The following ICAM4 variants were observed in gnomAD, a reference collection of about 807,000 sequenced individuals.
ICAM4 encodes the protein intercellular adhesion molecule 4.
Under a neutral mutation model 18.8 loss-of-function variants are expected in ICAM4, and 16 were observed. The ratio of observed to expected loss-of-function variants is 0.85; its 90% CI spans 0.58 to 1.29. The LOEUF (loss-of-function observed/expected upper bound fraction) is 1.29, where lower values mean the gene tolerates loss of function less well. Ranked by LOEUF, ICAM4 falls within the 50% of genes most tolerant of loss-of-function variation. ICAM4 has a pLI of 0.00. For missense variants in ICAM4, 338 were observed against 364.3 expected (o/e 0.93, Z 0.59); for synonymous variants, 163 against 163.2 (o/e 1.00, Z 0.01).
rs749689357 is a variant in ICAM4 at position 10,287,395 on chromosome 19, T to C, written c.383T>C (p.Ile128Thr). The part of the protein sequence containing the change: ...AGKTRWATSR[I>T]TAYKPPHSVI... ...AAAACACGCTGGGCCACCTCCAGGA[T>C]CACCGCCTACAGTGAGGGACAGGGG... The change falls in exon 1 of 3, where the codon ATC becomes ACC. Residue 128 changes from isoleucine (I) to threonine (T), a missense_variant. Transcript: ENST00000380770. This position sits in a 1 kb window ranked among gnomAD's most constrained non-coding sequence, Gnocchi z 8.7. The C allele has an allele frequency of 1.2e-6, 2 of 1,604,416 alleles. No individual in the cohort carries two copies. The highest frequency in any genetic ancestry group is 4.5e-5 in the East Asian group (2 of 44,512).
Position 10,287,627 on chromosome 19 carries a change from C to T in ICAM4, c.486C>T (p.Gly162=). 1 of 1,614,124 alleles carries T rather than the reference C, an allele frequency of 6.2e-7. No individual in the cohort carries two copies. Among genetic ancestry groups the T allele is most frequent in the African/African-American group, 1.3e-5 (1 of 75,034 alleles). Residue 162 remains glycine (G), a synonymous_variant, in exon 2 of 3, where the codon GGC becomes GGT. Transcript: ENST00000380770. The surrounding 1 kb of genome is among the most constrained non-coding windows in gnomAD (Gnocchi z 8.7). ...RCHVTQVFPV[G]YLVVTLRHGS... ...ACGTGACGCAGGTGTTCCCGGTGGG[C>T]TACTTGGTGGTGACCCTGAGGCATG...
rs906720106 is a variant in ICAM4 at position 10,287,400 on chromosome 19, G to T, written c.388G>T (p.Ala130Ser). 4 of 1,602,474 alleles carry T rather than the reference G, an allele frequency of 2.5e-6. No homozygotes were observed. Among genetic ancestry groups the T allele is most frequent in the African/African-American group, 2.7e-5 (2 of 74,666 alleles). ...ACGCTGGGCCACCTCCAGGATCACCGCCTACAGTGAGGGACAGGGGCTCGG... is the reference window on the plus strand; with the variant it reads ...ACGCTGGGCCACCTCCAGGATCACCTCCTACAGTGAGGGACAGGGGCTCGG... ...KTRWATSRIT[A>S]YKPPHSVILE... The change falls in exon 1 of 3, where the codon GCC becomes TCC. Residue 130 changes from alanine (A) to serine (S), a missense_variant. Transcript: ENST00000380770. This position sits in a 1 kb window ranked among gnomAD's most constrained non-coding sequence, Gnocchi z 8.7.
Position 10,287,812 on chromosome 19 carries a change from G to C in ICAM4, c.671G>C (p.Ser224Thr), listed in dbSNP as rs776408886. The C allele has an allele frequency of 1.4e-5, 22 of 1,612,344 alleles. No homozygotes were observed. Among genetic ancestry groups the C allele is most frequent in the Non-Finnish European group, 1.8e-5 (21 of 1,180,024 alleles). ...LNLDGLVVRNSSAPITLMLAW... is the reference protein window; with the variant it reads ...LNLDGLVVRNTSAPITLMLAW... ...CTCGACGGCCTGGTGGTCCGCAACA[G>C]CTCGGCACCCATTACACTGATGCTC... is the stretch of plus-strand genomic sequence containing the variant. Residue 224 changes from serine (S) to threonine (T), a missense_variant, in exon 2 of 3, where the codon AGC becomes ACC. Physicochemically the swap from Ser to Thr is moderately conservative, Grantham distance 58. Transcript: ENST00000380770. This position sits in a 1 kb window ranked among gnomAD's most constrained non-coding sequence, Gnocchi z 8.7.
At position 10,287,450 on chromosome 19, in the gene ICAM4, G is replaced by T. The variant is rs757624505; in HGVS notation, c.394+44G>T. 5.0e-6 allele frequency: 8 copies of T among 1,587,758 alleles called. No individual in the cohort carries two copies. The highest frequency in any genetic ancestry group is 6.0e-6 in the Non-Finnish European group (7 of 1,165,714). On this transcript the variant is annotated intron_variant, in intron 1 of 2. Coordinates refer to ENST00000380770, the MANE Select transcript of ICAM4 (RefSeq NM_001544.5). This position sits in a 1 kb window ranked among gnomAD's most constrained non-coding sequence, Gnocchi z 8.7. Reference sequence around the variant, plus strand: ...GTCCCGGCTGGGGTGAGGGGAGGGGGCTGGAAGAGGTGGGGGAAGGGTAGT... The same window carrying T: ...GTCCCGGCTGGGGTGAGGGGAGGGGTCTGGAAGAGGTGGGGGAAGGGTAGT...
rs934200316 is a variant in ICAM4 at position 10,287,490 on chromosome 19, T to C, written c.395-46T>C. On this transcript the variant is annotated intron_variant, in intron 1 of 2. Coordinates refer to ENST00000380770, the MANE Select transcript of ICAM4 (RefSeq NM_001544.5). This position sits in a 1 kb window ranked among gnomAD's most constrained non-coding sequence, Gnocchi z 8.7. The stretch of plus-strand genomic sequence containing the variant: ...GGAAGGGTAGTTGACAGTCGCTCTA[T>C]AGGGAGCGCCCGCGGACCTCACTCA... 2 of 1,600,306 alleles carry C rather than the reference T, an allele frequency of 1.2e-6. No homozygotes were observed. The highest frequency in any genetic ancestry group is 1.7e-5 in the Admixed American group (1 of 59,016).
Position 10,288,139 on chromosome 19 carries a change from G to C in ICAM4, c.*35G>C. 1.9e-6 allele frequency: 3 copies of C among 1,614,136 alleles called. No individual in the cohort carries two copies. Among genetic ancestry groups the C allele is most frequent in the Non-Finnish European group, 2.5e-6 (3 of 1,180,020 alleles). On this transcript the variant is annotated 3_prime_UTR_variant, in exon 3 of 3. Coordinates refer to ENST00000380770, the MANE Select transcript of ICAM4 (RefSeq NM_001544.5). The stretch of plus-strand genomic sequence containing the variant: ...TTCTATGCCGGCTGAGCGAGAAAAA[G>C]AGGAATATGAAACAATCTGGGGAAA...
At position 10,287,258 on chromosome 19, in the gene ICAM4, C is replaced by T. The variant is rs2040120658; in HGVS notation, c.246C>T (p.Arg82=). Residue 82 remains arginine, a synonymous_variant, in exon 1 of 3, where the codon CGC becomes CGT. Transcript: ENST00000380770. The surrounding 1 kb of genome is among the most constrained non-coding windows in gnomAD (Gnocchi z 8.7). ...SCPQPQNSSL[R]TPLRQGKTLR... is the part of the protein sequence containing the mutation. ...CCCAGCCGCAGAATTCCAGCCTCCG[C>T]ACCCCGCTGCGGCAAGGCAAGACGC... is the stretch of plus-strand genomic sequence containing the variant. The T allele has an allele frequency of 1.2e-6, 2 of 1,613,520 alleles. No homozygotes were observed. Among genetic ancestry groups the T allele is most frequent in the Non-Finnish European group, 1.7e-6 (2 of 1,180,018 alleles).
chr19:10,287,253 C>A lies in ICAM4; in HGVS notation c.241C>A (p.Leu81Ile). The change falls in exon 1 of 3, where the codon CTC becomes ATC. Residue 81 changes from leucine to isoleucine, a missense_variant. Coordinates refer to ENST00000380770, the MANE Select transcript of ICAM4 (RefSeq NM_001544.5). The surrounding 1 kb of genome is among the most constrained non-coding windows in gnomAD (Gnocchi z 8.7). ...CTGTCCCCAGCCGCAGAATTCCAGCCTCCGCACCCCGCTGCGGCAAGGCAA... is the reference window on the plus strand; with the variant it reads ...CTGTCCCCAGCCGCAGAATTCCAGCATCCGCACCCCGCTGCGGCAAGGCAA... ...NSCPQPQNSS[L>I]RTPLRQGKTL... is the part of the protein sequence containing the mutation. 6.2e-7 allele frequency: 1 copy of A among 1,613,620 alleles called. No homozygotes were observed. Among genetic ancestry groups the A allele is most frequent in the South Asian group, 1.1e-5 (1 of 91,080 alleles).
In ICAM4 at chr19:10,288,121, C is replaced by T. The variant is rs375791254; in HGVS notation, c.*17C>T. 3.2e-5 allele frequency: 52 copies of T among 1,614,106 alleles called. No individual in the cohort carries two copies. Among genetic ancestry groups the T allele is most frequent in the Non-Finnish European group, 4.1e-5 (48 of 1,180,032 alleles). Reference sequence around the variant, plus strand: ...CAGGCGTAAAGGGGGATGTTCTATGCCGGCTGAGCGAGAAAAAGAGGAATA... The same window carrying T: ...CAGGCGTAAAGGGGGATGTTCTATGTCGGCTGAGCGAGAAAAAGAGGAATA... On this transcript the variant is annotated 3_prime_UTR_variant, in exon 3 of 3. Coordinates refer to ENST00000380770, the MANE Select transcript of ICAM4 (RefSeq NM_001544.5).
chr19:10,288,073 G>A lies in ICAM4; in HGVS notation c.785G>A (p.Cys262Tyr), dbSNP rs753845734. 6.2e-7 allele frequency: 1 copy of A among 1,614,132 alleles called. No individual in the cohort carries two copies. The highest frequency in any genetic ancestry group is 8.5e-7 in the Non-Finnish European group (1 of 1,180,030). Reference protein sequence around the residue: ...ILLTVGAAYLCKCLAMKSQA With the variant: ...ILLTVGAAYLYKCLAMKSQA Reference sequence around the variant, plus strand: ...CTCACTGTGGGCGCTGCGTACCTATGCAAGTGCCTAGCTATGAAGTCCCAG... The same window carrying A: ...CTCACTGTGGGCGCTGCGTACCTATACAAGTGCCTAGCTATGAAGTCCCAG... Residue 262 changes from cysteine to tyrosine, a missense_variant, in exon 3 of 3, where the codon TGC becomes TAC. Cys to Tyr is a radical substitution (Grantham distance 194). Coordinates refer to ENST00000380770, the MANE Select transcript of ICAM4 (RefSeq NM_001544.5).
Position 10,287,195 on chromosome 19 carries a change from G to A in ICAM4, c.183G>A (p.Pro61=), listed in dbSNP as rs755983745. 2.5e-6 allele frequency: 4 copies of A among 1,612,224 alleles called. No homozygotes were observed. Among genetic ancestry groups the A allele is most frequent in the East Asian group, 2.2e-5 (1 of 44,828 alleles). The part of the protein sequence containing the change: ...RMSPEFVAVQ[P]GKSVQLNCSN... ...GCCCGGAGTTCGTGGCTGTGCAGCC[G>A]GGGAAGTCAGTGCAGCTCAATTGCA... Residue 61 remains proline, a synonymous_variant, in exon 1 of 3, where the codon CCG becomes CCA. Transcript: ENST00000380770. This position sits in a 1 kb window ranked among gnomAD's most constrained non-coding sequence, Gnocchi z 8.7.
At position 10,287,058 on chromosome 19, in the gene ICAM4, G is replaced by T; in HGVS notation, c.46G>T (p.Ala16Ser). 6.4e-7 allele frequency: 1 copy of T among 1,569,206 alleles called. No homozygotes were observed. Among genetic ancestry groups the T allele is most frequent in the Non-Finnish European group, 8.6e-7 (1 of 1,156,766 alleles). ...GTCGCTGCTGTTTTTTTTGGCGGCC[G>T]CCTACCCGGGAGTTGGGAGCGCGCT... The part of the protein sequence containing the change: ...PLSLLFFLAA[A>S]YPGVGSALGR... Residue 16 changes from alanine (A) to serine (S), a missense_variant, in exon 1 of 3, where the codon GCC becomes TCC. Physicochemically the swap from Ala to Ser is moderately conservative, Grantham distance 99 (BLOSUM62 1). Coordinates refer to ENST00000380770, the MANE Select transcript of ICAM4 (RefSeq NM_001544.5). This position sits in a 1 kb window ranked among gnomAD's most constrained non-coding sequence, Gnocchi z 8.7.
rs1200661077 is a variant in ICAM4, at chr19:10,287,178, T to C, written c.166T>C (p.Phe56Leu). ...CTTCTGGGTGCGCATGAGCCCGGAG[T>C]TCGTGGCTGTGCAGCCGGGGAAGTC... ...VPFWVRMSPE[F>L]VAVQPGKSVQ... is the part of the protein sequence containing the mutation. The change falls in exon 1 of 3, where the codon TTC becomes CTC. Residue 56 changes from phenylalanine to leucine, a missense_variant. Phe to Leu is a conservative substitution (Grantham distance 22). Coordinates refer to ENST00000380770, the MANE Select transcript of ICAM4 (RefSeq NM_001544.5). This position sits in a 1 kb window ranked among gnomAD's most constrained non-coding sequence, Gnocchi z 8.7. 1.2e-6 allele frequency: 2 copies of C among 1,611,876 alleles called. No homozygotes were observed. The highest frequency in any genetic ancestry group is 1.7e-6 in the Non-Finnish European group (2 of 1,178,978).
In ICAM4 at chr19:10,287,026, TC is replaced by T; in HGVS notation, c.17del (p.Pro6LeufsTer47). The T allele has an allele frequency of 6.5e-7, 1 of 1,545,670 alleles. No individual in the cohort carries two copies. Among genetic ancestry groups the T allele is most frequent in the South Asian group, 1.2e-5 (1 of 82,372 alleles). ...GGGCTTTTTGCCATGGGGTCTCTGT[TC>T]CCTCTGTCGCTGCTGTTTTTTTTGG... is the stretch of plus-strand genomic sequence containing the variant. MGSL[F>X]PLSLLFFLAA... On this transcript the variant is annotated frameshift_variant, in exon 1 of 3. Transcript: ENST00000380770. LOFTEE classifies it high-confidence loss of function. This position sits in a 1 kb window ranked among gnomAD's most constrained non-coding sequence, Gnocchi z 8.7.
chr19:10,287,122 G>A lies in ICAM4; in HGVS notation c.110G>A (p.Ser37Asn), dbSNP rs777854083. The A allele has an allele frequency of 8.1e-6, 13 of 1,607,796 alleles. No homozygotes were observed. In the South Asian group the frequency reaches 1.4e-4, roughly 18 times the overall value. Residue 37 changes from serine (S) to asparagine (N), a missense_variant, in exon 1 of 3, where the codon AGC becomes AAC. Coordinates refer to ENST00000380770, the MANE Select transcript of ICAM4 (RefSeq NM_001544.5). This position sits in a 1 kb window ranked among gnomAD's most constrained non-coding sequence, Gnocchi z 8.7. ...AAGCGGGCGCAAAGCCCCAAGGGTA[G>A]CCCTCTCGCGCCCTCCGGGACCTCA... Reference protein sequence around the residue: ...RTKRAQSPKGSPLAPSGTSVP... With the variant: ...RTKRAQSPKGNPLAPSGTSVP...
chr19:10,287,629 A>T lies in ICAM4; in HGVS notation c.488A>T (p.Tyr163Phe), dbSNP rs759533488. 1.2e-6 allele frequency: 2 copies of T among 1,613,994 alleles called. No homozygotes were observed. The highest frequency in any genetic ancestry group is 1.7e-6 in the Non-Finnish European group (2 of 1,179,970). ...CHVTQVFPVG[Y>F]LVVTLRHGSR... ...GTGACGCAGGTGTTCCCGGTGGGCTACTTGGTGGTGACCCTGAGGCATGGA... is the reference window on the plus strand; with the variant it reads ...GTGACGCAGGTGTTCCCGGTGGGCTTCTTGGTGGTGACCCTGAGGCATGGA... The change falls in exon 2 of 3, where the codon TAC becomes TTC. Residue 163 changes from tyrosine to phenylalanine, a missense_variant. Coordinates refer to ENST00000380770, the MANE Select transcript of ICAM4 (RefSeq NM_001544.5). This position sits in a 1 kb window ranked among gnomAD's most constrained non-coding sequence, Gnocchi z 8.7.
Position 10,287,042 on chromosome 19 carries a change from G to GT in ICAM4, c.38dup (p.Leu13PhefsTer17), listed in dbSNP as rs753968171. On this transcript the variant is annotated frameshift_variant, in exon 1 of 3. Transcript: ENST00000380770. LOFTEE classifies it high-confidence loss of function. This position sits in a 1 kb window ranked among gnomAD's most constrained non-coding sequence, Gnocchi z 8.7. Reference sequence around the variant, plus strand: ...GGTCTCTGTTCCCTCTGTCGCTGCTGTTTTTTTTGGCGGCCGCCTACCCGG... The same window carrying GT: ...GGTCTCTGTTCCCTCTGTCGCTGCTGTTTTTTTTTGGCGGCCGCCTACCCGG... The GT allele has an allele frequency of 1.4e-4, 219 of 1,560,358 alleles. No individual in the cohort carries two copies. Among genetic ancestry groups the GT allele is most frequent in the Admixed American group, 3.2e-4 (17 of 53,846 alleles).
At position 10,287,283 on chromosome 19, in the gene ICAM4, C is replaced by G. The variant is rs929760954; in HGVS notation, c.271C>G (p.Leu91Val). 5 of 1,613,664 alleles carry G rather than the reference C, an allele frequency of 3.1e-6. No individual in the cohort carries two copies. The African/African-American group carries it at 6.7e-5, about 22-fold the overall frequency. ...LRTPLRQGKT[L>V]RGPGWVSYQL... Reference sequence around the variant, plus strand: ...CACCCCGCTGCGGCAAGGCAAGACGCTCAGAGGGCCGGGTTGGGTGTCTTA... The same window carrying G: ...CACCCCGCTGCGGCAAGGCAAGACGGTCAGAGGGCCGGGTTGGGTGTCTTA... The change falls in exon 1 of 3, where the codon CTC becomes GTC. Residue 91 changes from leucine (L) to valine (V), a missense_variant. Coordinates refer to ENST00000380770, the MANE Select transcript of ICAM4 (RefSeq NM_001544.5). This position sits in a 1 kb window ranked among gnomAD's most constrained non-coding sequence, Gnocchi z 8.7.
Position 10,287,461 on chromosome 19 carries a change from T to TG in ICAM4, c.394+60dup. 6.3e-7 allele frequency: 1 copy of TG among 1,585,820 alleles called. No individual in the cohort carries two copies. The highest frequency in any genetic ancestry group is 1.1e-5 in the South Asian group (1 of 87,062). ...GGTGAGGGGAGGGGGCTGGAAGAGG[T>TG]GGGGGAAGGGTAGTTGACAGTCGCT... On this transcript the variant is annotated intron_variant, in intron 1 of 2. Coordinates refer to ENST00000380770, the MANE Select transcript of ICAM4 (RefSeq NM_001544.5). This position sits in a 1 kb window ranked among gnomAD's most constrained non-coding sequence, Gnocchi z 8.7.
Sources: gnomAD v4.1 joint callset for allele counts on GRCh38, gnomAD v4.1.1 for gene constraint, Gnocchi (gnomAD v3.1) non-coding constraint, MANE v1.5 for transcripts, NCBI Gene and HGNC (gene_info 2026-07-23, HGNC 2026-07-21) for gene names.